Variants in VAPB observed in about 807,000 individuals in gnomAD.
VAPB encodes vesicle-associated membrane protein-associated protein B/C.
A neutral mutation model predicts 25.6 loss-of-function variants in VAPB; 7 were observed. The observed-to-expected ratio is 0.27, with a 90% confidence interval of 0.16 to 0.51. VAPB has a LOEUF of 0.51. Among genes scored for constraint, VAPB ranks in the 20% least tolerant of loss-of-function variants. The pLI, the probability that VAPB is intolerant of heterozygous loss-of-function variation, is 0.97. For missense variants in VAPB, 266 were observed against 301.3 expected (o/e 0.88, Z 0.87); for synonymous variants, 112 against 109.2 (o/e 1.03, Z -0.16).
chr20:58,413,391 A>G (rs1274263094), intron 1 of VAPB, among the ~76,000 whole-genome samples: 4 of 151,942 alleles, frequency 2.6e-5, no homozygotes, highest in African/African-American at 9.7e-5. Flanking sequence ...TTAACAAAGC[A>G]CATCTTGCAC....
At chr20:58,438,763 G>C (rs953709463) in intron 3 of VAPB, among the ~76,000 whole-genome samples, 182 bp from the exon 4 acceptor site, 4 of 152,208 alleles carry the variant, frequency 2.6e-5, no homozygotes, top group Admixed American at 1.3e-4. Context: ...TTTTGAGAAA[G>C]TGAGTGTATT....
At position 58,449,335 on chromosome 20, in the gene VAPB, T is replaced by C; in HGVS notation, c.*5100T>C. 2.2e-6 allele frequency: 1 copy of C among 450,132 alleles called. No individual in the cohort carries two copies. Among genetic ancestry groups the C allele is most frequent in the Non-Finnish European group, 4.4e-6 (1 of 225,898 alleles). The allele number at this position is 450,132 out of a possible 1,614,324, so 27.9% of individuals were successfully genotyped here. ...TTTTATTTTCATTACAGAGATATTT[T>C]GAAAAATTTAAAAGACATGAACTCA... On this transcript the variant is annotated 3_prime_UTR_variant, in exon 6 of 6. Coordinates refer to ENST00000475243, the MANE Select transcript of VAPB (RefSeq NM_004738.5).
Position 58,449,875 on chromosome 20 carries a change from G to C in VAPB, c.*5640G>C. On this transcript the variant is annotated 3_prime_UTR_variant, in exon 6 of 6. Transcript: ENST00000475243. ...CTGGCCTTCTGCAGGTGGAGCTGCT[G>C]TCAGAGCTTCGTTTCACTGATACCC... 4.4e-6 allele frequency: 2 copies of C among 454,084 alleles called. No homozygotes were observed. Among genetic ancestry groups the C allele is most frequent in the African/African-American group, 2.0e-5 (1 of 50,124 alleles). The allele number at this position is 454,084 out of a possible 1,614,324, so 28.1% of individuals were successfully genotyped here.
In VAPB at chr20:58,389,480, C is replaced by A; in HGVS notation, c.21C>A (p.Val7=). The change falls in exon 1 of 6, where the codon GTC becomes GTA. Residue 7 remains valine, a synonymous_variant. Coordinates refer to ENST00000475243, the MANE Select transcript of VAPB (RefSeq NM_004738.5). Reference sequence around the variant, plus strand: ...GGAACATGGCGAAGGTGGAGCAGGTCCTGAGCCTCGAGCCGCAGCACGAGC... The same window carrying A: ...GGAACATGGCGAAGGTGGAGCAGGTACTGAGCCTCGAGCCGCAGCACGAGC... The part of the protein sequence containing the change: MAKVEQ[V]LSLEPQHELK... 1 of 1,596,704 alleles carries A rather than the reference C, an allele frequency of 6.3e-7. No homozygotes were observed. The highest frequency in any genetic ancestry group is 8.5e-7 in the Non-Finnish European group (1 of 1,172,540).
At chr20:58,415,893 C>T (rs1000948346) in intron 1 of VAPB, among the ~76,000 whole-genome samples, 6 of 152,128 alleles carry the variant, frequency 3.9e-5, no homozygotes, top group African/African-American at 1.4e-4. Flanking sequence ...TCTATAATTA[C>T]TCAAATAGAA....
At chr20:58,394,728 G>A (rs937704008) in intron 1 of VAPB, among the ~76,000 whole-genome samples, 3 of 152,162 alleles carry the variant, frequency 2.0e-5, no homozygotes, top group African/African-American at 7.2e-5. Flanking sequence ...TTTCTTCACA[G>A]TTAACTCCTT....
At chr20:58,434,446 A>G (rs1016446165) in intron 2 of VAPB, among the ~76,000 whole-genome samples, 156 bp from the exon 3 acceptor site, 2 of 152,092 alleles carry the variant, frequency 1.3e-5, no homozygotes, top group Non-Finnish European at 2.9e-5. Context: ...CAAAATGGAG[A>G]TGTTGGTCAT....
intron 2 of VAPB, among the ~76,000 whole-genome samples, chr20:58,420,756 G>A (rs368297533): frequency 6.6e-6 from 1 of 152,142 alleles, no homozygotes; most frequent in Non-Finnish European, 1.5e-5. Context: ...TCAGTGCTTG[G>A]GGGGAACCAA....
chr20:58,393,825 C>T lies in VAPB; in HGVS notation c.58+4308C>T, dbSNP rs538368941. ...TTGGCTCACCGCAACCTCCGCCTCCCGGGTTCAAGCACTTCTCCTGCCTCA... is the reference window on the plus strand; with the variant it reads ...TTGGCTCACCGCAACCTCCGCCTCCTGGGTTCAAGCACTTCTCCTGCCTCA... On this transcript the variant is annotated intron_variant, in intron 1 of 5. Transcript: ENST00000475243. Among the ~76,000 whole-genome samples the T allele has an allele frequency of 3.9e-5, 6 of 152,202 alleles. No individual in the cohort carries two copies. In the East Asian group the frequency reaches 9.7e-4, roughly 25 times the overall value.
In VAPB at chr20:58,441,511, A is replaced by G. The variant is rs920672080; in HGVS notation, c.573+428A>G. On this transcript the variant is annotated intron_variant, in intron 5 of 5. Transcript: ENST00000475243. ...CAAAAAATTAGTTGGGTGTGGTGGC[A>G]GGTGCCTGTAATTCCAGCCACTCGG... 4.6e-5 allele frequency among the ~76,000 whole-genome samples: 7 copies of G among 152,246 alleles called. No individual in the cohort carries two copies. The South Asian group carries it at 8.3e-4, about 18-fold the overall frequency.
intron 2 of VAPB, 55 bp downstream of exon 2, chr20:58,418,418 AG>A: frequency 6.3e-7 from 1 of 1,593,792 alleles, no homozygotes; most frequent in South Asian, 1.1e-5. Context: ...CCTGGACAGT[AG>A]GTTTTCTTAA....
rs866117374 is a variant in VAPB, at chr20:58,451,069, T to G, written c.*6834T>G. On this transcript the variant is annotated 3_prime_UTR_variant, in exon 6 of 6. Coordinates refer to ENST00000475243, the MANE Select transcript of VAPB (RefSeq NM_004738.5). The stretch of plus-strand genomic sequence containing the variant: ...TTGTACTAGCTGTCTCCATATTATG[T>G]TCAATAAATTCTGTGCTCTGAATAT... 33 of 417,046 alleles carry G rather than the reference T, an allele frequency of 7.9e-5. 1 individual carries two copies. Among genetic ancestry groups the G allele is most frequent in the African/African-American group, 6.8e-4 (33 of 48,196 alleles). 25.8% of individuals were successfully genotyped at this position (417,046 alleles called of 1,614,324 possible). A position where few individuals can be genotyped will look rare whatever the true frequency, so the allele number is the denominator to read the frequency against.
In VAPB at chr20:58,444,775, C is replaced by T. The variant is rs1293141812; in HGVS notation, c.*540C>T. On this transcript the variant is annotated 3_prime_UTR_variant, in exon 6 of 6. Transcript: ENST00000475243. Reference sequence around the variant, plus strand: ...GAGTCAGAAGCCCAAAGGAATTGCACTGTGGCAGCATCAGACGTACTCGTC... The same window carrying T: ...GAGTCAGAAGCCCAAAGGAATTGCATTGTGGCAGCATCAGACGTACTCGTC... 1 of 454,512 alleles carries T rather than the reference C, an allele frequency of 2.2e-6. No individual in the cohort carries two copies. The highest frequency in any genetic ancestry group is 2.3e-5 in the Admixed American group (1 of 42,578). 28.2% of individuals were successfully genotyped at this position (454,512 alleles called of 1,614,324 possible). A position where few individuals can be genotyped will look rare whatever the true frequency, so the allele number is the denominator to read the frequency against.
intron 5 of VAPB, among the ~76,000 whole-genome samples, chr20:58,441,344 C>A (rs1051914103): frequency 6.6e-5 from 10 of 150,524 alleles, no homozygotes; most frequent in Admixed American, 1.3e-4. Flanking sequence ...AAAAAAAAAA[C>A]AAAAACAAAA....
intron 1 of VAPB, among the ~76,000 whole-genome samples, chr20:58,414,402 G>A (rs1253649238): frequency 6.6e-6 from 1 of 151,084 alleles, no homozygotes; most frequent in Admixed American, 6.6e-5. Flanking sequence ...GTGGCCGCCG[G>A]GCGGAGAGGC....
intron 1 of VAPB, among the ~76,000 whole-genome samples, chr20:58,394,715 C>T (rs745442608): frequency 5.9e-5 from 9 of 152,162 alleles, no homozygotes; most frequent in Admixed American, 1.3e-4. Context: ...CTATTCACTC[C>T]TTTTTCTTCA....
chr20:58,424,916 C>T (rs1288021349), intron 2 of VAPB, among the ~76,000 whole-genome samples: 2 of 152,240 alleles, frequency 1.3e-5, no homozygotes, highest in East Asian at 3.8e-4. Flanking sequence ...ATTTGCTAGA[C>T]TCAGAGTTCC....
Position 58,448,174 on chromosome 20 carries a change from G to A in VAPB, c.*3939G>A, listed in dbSNP as rs1301232754. On this transcript the variant is annotated 3_prime_UTR_variant, in exon 6 of 6. Transcript: ENST00000475243. ...CTGGAATGGAATTGTATTTAGAAAG[G>A]CCCCTGCAAAGTATATAGATGGATG... is the stretch of plus-strand genomic sequence containing the variant. The A allele has an allele frequency of 4.4e-6, 2 of 453,926 alleles. No individual in the cohort carries two copies. The highest frequency in any genetic ancestry group is 8.8e-6 in the Non-Finnish European group (2 of 226,746). The allele number at this position is 453,926 out of a possible 1,614,324, so 28.1% of individuals were successfully genotyped here.
At chr20:58,434,471 C>G in intron 2 of VAPB, 131 bp from the exon 3 acceptor site, 2 of 680,702 alleles carry the variant, frequency 2.9e-6, no homozygotes, top group Non-Finnish European at 2.7e-6. Context: ...GCTTACTTCA[C>G]CAGGGGCGTC....
Sources: allele counts gnomAD v4.1 joint callset (sites outside exome capture counted in the v4.1 genomes callset), GRCh38; gene constraint gnomAD v4.1.1; transcripts MANE v1.5; gene names NCBI Gene and HGNC (gene_info 2026-07-23, HGNC 2026-07-21).